Variants in CLPTM1L observed in about 807,000 individuals in gnomAD.
CLPTM1L encodes the protein CLPTM1 like, also known as lipid scramblase CLPTM1L.
Under a neutral mutation model 70.9 loss-of-function variants are expected in CLPTM1L, and 38 were observed. That is an observed-to-expected ratio of 0.54 (90% CI 0.41 to 0.70). The LOEUF (loss-of-function observed/expected upper bound fraction) is 0.70. CLPTM1L is among the 30% of genes least tolerant of loss of function. The pLI is 0.00. For missense variants in CLPTM1L, 652 were observed against 705.9 expected, an observed-to-expected ratio of 0.92 and a Z score of 0.87; for synonymous variants, 339 against 299.9, an observed-to-expected ratio of 1.13 and a Z score of -1.35.
Position 1,342,009 on chromosome 5 carries a change from CGTGTGTGTGTGTGTGT to C in CLPTM1L, c.264-165_264-150del. 2.0e-6 allele frequency: 1 copy of C among 502,688 alleles called. No individual in the cohort carries two copies. The highest frequency in any genetic ancestry group is 3.4e-6 in the Non-Finnish European group (1 of 291,858). 31.1% of individuals were successfully genotyped at this position (502,688 alleles called of 1,614,324 possible). ...CCCACCTGCCCAGGGCTTTACGAGT[CGTGTGTGTGTGTGTGT>C]GTGTGTGTGTGTGTGCACGCGCACG... On this transcript the variant is annotated intron_variant, in intron 2 of 16. Coordinates refer to ENST00000320895, the MANE Select transcript of CLPTM1L (RefSeq NM_030782.5). This position sits in a 1 kb window ranked among gnomAD's most constrained non-coding sequence, Gnocchi z 4.3.
intron 7 of CLPTM1L, among the ~76,000 whole-genome samples, chr5:1,333,524 C>G (rs1435268539): frequency 2.0e-5 from 2 of 99,436 alleles, no homozygotes; most frequent in African/African-American, 4.7e-5. Context: ...GTATACACAC[C>G]AGATGAGGAT....
At chr5:1,332,174 T>G in intron 7 of CLPTM1L, 1 of 406,062 alleles carries the variant, frequency 2.5e-6, no homozygotes, top group Non-Finnish European at 4.5e-6. Flanking sequence ...TTCCCCTGGA[T>G]CATGGGCCTG....
intron 8 of CLPTM1L, 100 bp downstream of exon 8, chr5:1,331,697 CTG>C (rs1182342849): frequency 7.2e-6 from 7 of 974,732 alleles, no homozygotes; most frequent in East Asian, 2.4e-5. Flanking sequence ...ACACCCGGGG[CTG>C]TGTCTGCAGC....
intron 5 of CLPTM1L, among the ~76,000 whole-genome samples, chr5:1,336,869 C>T (rs567330327): frequency 1.3e-4 from 20 of 152,284 alleles, no homozygotes; most frequent in Admixed American, 1.1e-3. Context: ...TTCTGAGAGC[C>T]GCAGTCAGGA....
intron 3 of CLPTM1L, among the ~76,000 whole-genome samples, chr5:1,339,593 C>T (rs1753814122): frequency 2.5e-5 from 3 of 117,882 alleles, no homozygotes; most frequent in East Asian, 2.9e-4. Flanking sequence ...GGCACCCTAA[C>T]CTGTGAAGAG....
intron 9 of CLPTM1L, among the ~76,000 whole-genome samples, chr5:1,326,947 G>A (rs1579628000): frequency 6.7e-6 from 1 of 149,658 alleles, no homozygotes; most frequent in Non-Finnish European, 1.5e-5. Context: ...ATTTCATCCA[G>A]CTCCTCCTCT....
At chr5:1,344,608 A>G in intron 1 of CLPTM1L, 72 bp downstream of exon 1, 2 of 1,503,690 alleles carry the variant, frequency 1.3e-6, no homozygotes, top group East Asian at 2.5e-5. Flanking sequence ...TGGGACGGGA[A>G]GGCGACGTCT....
At chr5:1,322,426 G>A (rs1752211570) in intron 13 of CLPTM1L, among the ~76,000 whole-genome samples, 2 of 152,208 alleles carry the variant, frequency 1.3e-5, no homozygotes, top group South Asian at 2.1e-4. Context: ...GAGGGGGCGC[G>A]CCGTGCACCA....
In CLPTM1L at chr5:1,321,693, G is replaced by A. The variant is rs765260994; in HGVS notation, c.1372-14C>T. The A allele has an allele frequency of 4.3e-6, 7 of 1,613,996 alleles. No individual in the cohort carries two copies. The East Asian group carries it at 1.6e-4, about 36-fold the overall frequency. ...CACTGACTTCAACTGAAACAGGAGA[G>A]ACAGGCCCAGGTCAGCTGTGGGCAG... On this transcript the variant is annotated splice_polypyrimidine_tract_variant and intron_variant, in intron 14 of 16. Transcript: ENST00000320895.
In CLPTM1L at chr5:1,344,764, G is replaced by A. The variant is rs769893615; in HGVS notation, c.78C>T (p.Val26=). 28 of 1,605,318 alleles carry A rather than the reference G, an allele frequency of 1.7e-5. No homozygotes were observed. In the African/African-American group the frequency reaches 2.8e-4, roughly 16 times the overall value. Residue 26 remains valine (V), a synonymous_variant, in exon 1 of 17, where the codon GTC becomes GTT. Coordinates refer to ENST00000320895, the MANE Select transcript of CLPTM1L (RefSeq NM_030782.5). ...GGCGGGTGTAGACGATGCCGTACAT[G>A]ACCCAGCAGGTGTGCACCACGTAGA... ...FVVYVVHTCW[V]MYGIVYTRPC...
At chr5:1,321,262 A>G (rs1444934988) in intron 15 of CLPTM1L, among the ~76,000 whole-genome samples, 1 of 152,252 alleles carries the variant, frequency 6.6e-6, no homozygotes, top group Non-Finnish European at 1.5e-5. Context: ...GCCAGCGGGG[A>G]ATGGCCACGG....
intron 12 of CLPTM1L, 48 bp from the exon 13 acceptor site, chr5:1,322,959 AT>A: frequency 6.6e-7 from 1 of 1,524,124 alleles, no homozygotes. Context: ...ATAGCTTAAT[AT>A]CTGTATTAAA....
rs779329573 is a variant in CLPTM1L, at chr5:1,323,843, C to T, written c.1224G>A (p.Leu408=). The T allele has an allele frequency of 9.9e-6, 16 of 1,613,700 alleles. No individual in the cohort carries two copies. The African/African-American group carries it at 1.9e-4, about 19-fold the overall frequency. ...CAGCACCCCCGACACAGAGAGGGTA[C>T]AGCAGGTATGACAAGTACTTCATGG... is the stretch of plus-strand genomic sequence containing the variant. ...TQAMKYLSYL[L]YPLCVGGAVY... Residue 408 remains leucine, a synonymous_variant, in exon 12 of 17, where the codon CTG becomes CTA. Coordinates refer to ENST00000320895, the MANE Select transcript of CLPTM1L (RefSeq NM_030782.5).
At chr5:1,334,223 G>T in intron 7 of CLPTM1L, 66 bp downstream of exon 7, 2 of 1,208,508 alleles carry the variant, frequency 1.7e-6, no homozygotes, top group Non-Finnish European at 2.4e-6. Context: ...CAGGACCCCT[G>T]CAGGAGGCCC....
At chr5:1,327,579 C>T (rs1752695695) in intron 9 of CLPTM1L, among the ~76,000 whole-genome samples, 4 of 150,714 alleles carry the variant, frequency 2.7e-5, no homozygotes, top group Admixed American at 2.0e-4. Flanking sequence ...AGGGACATTC[C>T]ATCCAGCTCC....
intron 9 of CLPTM1L, among the ~76,000 whole-genome samples, chr5:1,329,538 T>TCAC (rs1247730302): frequency 5.6e-5 from 7 of 124,908 alleles, no homozygotes; most frequent in African/African-American, 2.5e-4. Context: ...GCCTCAGGAC[T>TCAC]CTCTGCTTGG....
chr5:1,344,603 C>A (rs1754158519), intron 1 of CLPTM1L, 77 bp downstream of exon 1: 20 of 1,498,414 alleles, frequency 1.3e-5, no homozygotes, highest in Non-Finnish European at 1.7e-5. Flanking sequence ...CGAACTGGGA[C>A]GGGAAGGCGA....
chr5:1,337,661 T>C (rs1380494148), intron 5 of CLPTM1L, among the ~76,000 whole-genome samples: 1 of 152,198 alleles, frequency 6.6e-6, no homozygotes, highest in African/African-American at 2.4e-5. Context: ...CAGGGGCCTT[T>C]CACCAGTGAC....
chr5:1,333,730 C>T (rs56165686), intron 7 of CLPTM1L, among the ~76,000 whole-genome samples: 15 of 65,254 alleles, frequency 2.3e-4, no homozygotes, highest in South Asian at 4.2e-4. Flanking sequence ...GTATACACAC[C>T]GGATGAGGAT....
Sources: allele counts gnomAD v4.1 joint callset (sites outside exome capture counted in the v4.1 genomes callset), GRCh38; gene constraint gnomAD v4.1.1; non-coding constraint Gnocchi (gnomAD v3.1); transcripts MANE v1.5; gene names NCBI Gene and HGNC (gene_info 2026-07-23, HGNC 2026-07-21).